Variants in MAML3 observed in about 807,000 individuals in gnomAD.
MAML3 encodes the protein mastermind-like protein 3.
MAML3 carries 27 observed loss-of-function variants against 101.9 expected under a neutral mutation model. The ratio of observed to expected loss-of-function variants is 0.27; its 90% CI spans 0.20 to 0.37. The LOEUF is 0.37. Among genes scored for constraint, MAML3 ranks in the 10% least tolerant of loss-of-function variants. The pLI, the probability that MAML3 is intolerant of heterozygous loss-of-function variation, is 1.00. For missense variants in MAML3, 1,316 were observed against 1,444.9 expected, an observed-to-expected ratio of 0.91 and a Z score of 1.45; for synonymous variants, 501 against 555.9, an observed-to-expected ratio of 0.90 and a Z score of 1.39.
At chr4:140,046,215 G>C (rs1228100514) in intron 1 of MAML3, among the ~76,000 whole-genome samples, 1 of 152,182 alleles carries the variant, frequency 6.6e-6, no homozygotes, top group Admixed American at 6.5e-5. Context: ...TCTGGGCAGG[G>C]ACATTAAATT....
At chr4:140,027,754 C>A (rs1726849652) in intron 1 of MAML3, among the ~76,000 whole-genome samples, 1 of 152,182 alleles carries the variant, frequency 6.6e-6, no homozygotes, top group African/African-American at 2.4e-5. Context: ...TTGACACATT[C>A]AAGTCAATTT....
intron 2 of MAML3, among the ~76,000 whole-genome samples, chr4:139,875,595 T>A (rs946292461): frequency 1.7e-4 from 26 of 152,186 alleles, no homozygotes; most frequent in African/African-American, 6.0e-4. Flanking sequence ...GGGGGTCAGG[T>A]GCTCCTGACC....
At chr4:140,055,219 A>G (rs1727332162) in intron 1 of MAML3, among the ~76,000 whole-genome samples, 1 of 152,182 alleles carries the variant, frequency 6.6e-6, no homozygotes, top group African/African-American at 2.4e-5. Context: ...CAGGGGTGAC[A>G]AGTTCACAAC....
intron 1 of MAML3, among the ~76,000 whole-genome samples, chr4:139,967,352 G>C (rs1734153619): frequency 6.6e-6 from 1 of 152,122 alleles, no homozygotes; most frequent in Admixed American, 6.5e-5. Context: ...GGAAGGAAAA[G>C]GGATTGAGAA....
intron 1 of MAML3, among the ~76,000 whole-genome samples, chr4:139,977,653 A>G (rs538369173): frequency 1.3e-5 from 2 of 152,198 alleles, no homozygotes; most frequent in South Asian, 4.1e-4. Context: ...CGGTTGGATC[A>G]CCTGAGGTCA....
chr4:140,081,748 A>G (rs1403870034), intron 1 of MAML3, among the ~76,000 whole-genome samples: 2 of 152,210 alleles, frequency 1.3e-5, no homozygotes, highest in Non-Finnish European at 2.9e-5. Flanking sequence ...CTCACACTGC[A>G]CAACACCAGA....
At position 139,871,848 on chromosome 4, in the gene MAML3, T is replaced by C. The variant is rs1308617310; in HGVS notation, c.2079+17509A>G. Among the ~76,000 whole-genome samples the C allele has an allele frequency of 3.3e-5, 5 of 152,360 alleles. No homozygotes were observed. In the East Asian group the frequency reaches 5.8e-4, roughly 18 times the overall value. Reference sequence around the variant, plus strand: ...AAAGAAGAAAACCCTAGGACACTAATACAATTATCCTTTTGCTTATGCTTC... The same window carrying C: ...AAAGAAGAAAACCCTAGGACACTAACACAATTATCCTTTTGCTTATGCTTC... On this transcript the variant is annotated intron_variant, in intron 2 of 4. Transcript: ENST00000509479.
intron 4 of MAML3, among the ~76,000 whole-genome samples, chr4:139,721,583 A>T (rs955046668): frequency 1.3e-5 from 2 of 152,082 alleles, no homozygotes; most frequent in Non-Finnish European, 2.9e-5. Flanking sequence ...GTGGCTATTG[A>T]TTTCTGGGCT....
At chr4:140,081,555 C>T (rs1202145997) in intron 1 of MAML3, among the ~76,000 whole-genome samples, 1 of 152,130 alleles carries the variant, frequency 6.6e-6, no homozygotes, top group Non-Finnish European at 1.5e-5. Context: ...GAAGAGAGAG[C>T]ACTGGGATTG....
chr4:139,940,918 T>G (rs867845283), intron 1 of MAML3, among the ~76,000 whole-genome samples: 2 of 152,354 alleles, frequency 1.3e-5, no homozygotes, highest in Middle Eastern at 3.4e-3. Context: ...GTTGGTTCAA[T>G]TTTCAGACTT....
intron 2 of MAML3, among the ~76,000 whole-genome samples, chr4:139,782,929 A>G (rs1045700874): frequency 6.6e-6 from 1 of 152,028 alleles, no homozygotes; most frequent in Non-Finnish European, 1.5e-5. Context: ...TTACAATTGT[A>G]TTTGCTGCCC....
In MAML3 at chr4:139,862,091, C is replaced by A. The variant is rs543626254; in HGVS notation, c.2079+27266G>T. 1.4e-4 allele frequency among the ~76,000 whole-genome samples: 22 copies of A among 152,256 alleles called. No individual in the cohort carries two copies. The South Asian group carries it at 4.4e-3, about 30-fold the overall frequency. Reference sequence around the variant, plus strand: ...GGGCATGGTGGCAGGCACCTGTAATCCCAGCTACTTGGGATGCTGAGACAG... The same window carrying A: ...GGGCATGGTGGCAGGCACCTGTAATACCAGCTACTTGGGATGCTGAGACAG... On this transcript the variant is annotated intron_variant, in intron 2 of 4. Coordinates refer to ENST00000509479, the MANE Select transcript of MAML3 (RefSeq NM_018717.5).
intron 1 of MAML3, among the ~76,000 whole-genome samples, chr4:139,929,058 G>T (rs748048309): frequency 2.0e-5 from 3 of 152,152 alleles, no homozygotes; most frequent in Non-Finnish European, 4.4e-5. Context: ...TTCAAAAGGA[G>T]ATATTAAAAA....
intron 1 of MAML3, among the ~76,000 whole-genome samples, chr4:139,897,715 A>C (rs1323856880): frequency 6.6e-6 from 1 of 152,120 alleles, no homozygotes; most frequent in African/African-American, 2.4e-5. Flanking sequence ...ATACATTGTG[A>C]ATCTGATCAT....
rs114155028 is a variant in MAML3, at chr4:140,033,749, T to C, written c.468+119111A>G. 8.5e-4 allele frequency among the ~76,000 whole-genome samples: 130 copies of C among 152,328 alleles called. 1 individual carries two copies. The highest frequency in any genetic ancestry group is 2.9e-3 in the African/African-American group (121 of 41,586). On this transcript the variant is annotated intron_variant, in intron 1 of 4. Coordinates refer to ENST00000509479, the MANE Select transcript of MAML3 (RefSeq NM_018717.5). Reference sequence around the variant, plus strand: ...AACAACAGTACTCACCACACAGGGTTATCGGGATGATTAAGTATGCATGTG... The same window carrying C: ...AACAACAGTACTCACCACACAGGGTCATCGGGATGATTAAGTATGCATGTG...
In MAML3 at chr4:139,790,819, A is replaced by G. The variant is rs565052091; in HGVS notation, c.2080-60152T>C. Among the ~76,000 whole-genome samples, 3 of 152,310 alleles carry G rather than the reference A, an allele frequency of 2.0e-5. No homozygotes were observed. The East Asian group carries it at 5.8e-4, about 29-fold the overall frequency. Reference sequence around the variant, plus strand: ...ATTGATGGACATTTGGATTGTTGCTACCTTTTGGCTATTGTGAATAATGCT... The same window carrying G: ...ATTGATGGACATTTGGATTGTTGCTGCCTTTTGGCTATTGTGAATAATGCT... On this transcript the variant is annotated intron_variant, in intron 2 of 4. Coordinates refer to ENST00000509479, the MANE Select transcript of MAML3 (RefSeq NM_018717.5).
chr4:139,950,275 C>T (rs559611551), intron 1 of MAML3, among the ~76,000 whole-genome samples: 25 of 152,210 alleles, frequency 1.6e-4, no homozygotes, highest in Middle Eastern at 3.4e-3. Flanking sequence ...CTCCTGACCT[C>T]GTGATCTGCC....
intron 1 of MAML3, among the ~76,000 whole-genome samples, chr4:139,988,473 A>AT (rs1734595384): frequency 1.3e-5 from 2 of 152,060 alleles, no homozygotes; most frequent in Non-Finnish European, 2.9e-5. Flanking sequence ...CTTGAGGTGT[A>AT]TTTTTTGCTG....
intron 1 of MAML3, among the ~76,000 whole-genome samples, chr4:140,027,653 G>A (rs1226788102): frequency 6.6e-6 from 1 of 152,182 alleles, no homozygotes; most frequent in Non-Finnish European, 1.5e-5. Context: ...TAATGAAGAT[G>A]TTAAATAAGA....
Sources: gnomAD v4.1 joint callset for allele counts (sites outside exome capture counted in the v4.1 genomes callset) on GRCh38, gnomAD v4.1.1 for gene constraint, MANE v1.5 for transcripts, NCBI Gene and HGNC (gene_info 2026-07-23, HGNC 2026-07-21) for gene names.